Variants in JPH3 observed in about 807,000 individuals in gnomAD.
JPH3 encodes junctophilin-3.
A neutral mutation model predicts 59.6 loss-of-function variants in JPH3; 11 were observed. That is an observed-to-expected ratio of 0.18 (90% confidence interval 0.12 to 0.31). The LOEUF (loss-of-function observed/expected upper bound fraction) is 0.31, where lower values mean the gene tolerates loss of function less well. Ranked by LOEUF, JPH3 falls within the 10% of genes least tolerant of loss-of-function variation. JPH3 has a pLI of 1.00. For synonymous variants in JPH3, 673 were observed against 483.6 expected, an observed-to-expected ratio of 1.39 and a Z score of -5.14; for missense variants, 1,202 against 1,105.7, an observed-to-expected ratio of 1.09 and a Z score of -1.24.
intron 1 of JPH3, among the ~76,000 whole-genome samples, chr16:87,622,350 G>T (rs192269356): frequency 6.6e-6 from 1 of 152,226 alleles, no homozygotes; most frequent in Non-Finnish European, 1.5e-5. Context: ...CCAAGCCTCC[G>T]TGAGCAAGGA....
At chr16:87,627,822 C>T (rs921747433) in intron 1 of JPH3, among the ~76,000 whole-genome samples, 1 of 152,220 alleles carries the variant, frequency 6.6e-6, no homozygotes, top group African/African-American at 2.4e-5. Flanking sequence ...TGGAGAGGGG[C>T]CAGTCCTGCC....
chr16:87,657,399 G>T (rs72810170), intron 2 of JPH3, among the ~76,000 whole-genome samples: 11,044 of 152,174 alleles, frequency 0.073, 534 homozygotes, highest in Non-Finnish European at 0.11. Flanking sequence ...GCTGGGGTGG[G>T]AACAACGGGG....
At chr16:87,619,676 C>T (rs545341220) in intron 1 of JPH3, among the ~76,000 whole-genome samples, 156 of 152,292 alleles carry the variant, frequency 1.0e-3, no homozygotes, top group Middle Eastern at 6.8e-3. Context: ...GGAGGAGCCA[C>T]GGAGTCTGGG....
chr16:87,679,081 G>A (rs1325808096), intron 2 of JPH3, among the ~76,000 whole-genome samples: 8 of 152,162 alleles, frequency 5.3e-5, no homozygotes, highest in Admixed American at 6.5e-5. Context: ...AGCCCCAGGC[G>A]CAGACCTGGG....
intron 1 of JPH3, among the ~76,000 whole-genome samples, chr16:87,617,717 G>T (rs1489505376): frequency 1.3e-5 from 2 of 152,166 alleles, no homozygotes; most frequent in African/African-American, 4.8e-5. Flanking sequence ...TTTGGAGAAG[G>T]AGCAGGTGCA....
intron 2 of JPH3, among the ~76,000 whole-genome samples, chr16:87,650,916 T>G (rs990545181): frequency 4.6e-5 from 7 of 152,246 alleles, no homozygotes; most frequent in African/African-American, 1.7e-4. Context: ...GTGGCTACAC[T>G]AAACAGATTT....
At chr16:87,683,572 G>A (rs1472695876) in intron 2 of JPH3, among the ~76,000 whole-genome samples, 1 of 151,902 alleles carries the variant, frequency 6.6e-6, no homozygotes, top group African/African-American at 2.4e-5. Context: ...CCAAAGTGCT[G>A]GGATTACAGG....
At chr16:87,606,558 C>T (rs2030529077) in intron 1 of JPH3, among the ~76,000 whole-genome samples, 1 of 152,178 alleles carries the variant, frequency 6.6e-6, no homozygotes, top group South Asian at 2.1e-4. Context: ...AATCCCTGCC[C>T]TACATGCCCT....
chr16:87,626,458 A>C (rs2031379074), intron 1 of JPH3, among the ~76,000 whole-genome samples: 1 of 152,202 alleles, frequency 6.6e-6, no homozygotes, highest in Non-Finnish European at 1.5e-5. Context: ...CAGGAGACCG[A>C]GGCCTGTGAG....
At chr16:87,681,919 C>G (rs8044767) in intron 2 of JPH3, among the ~76,000 whole-genome samples, 8 of 152,028 alleles carry the variant, frequency 5.3e-5, no homozygotes, top group African/African-American at 1.9e-4. Context: ...GTTCAGGCCG[C>G]GCATCTTTAG....
At chr16:87,688,777 C>A (rs569206741) in intron 3 of JPH3, among the ~76,000 whole-genome samples, 1 of 152,264 alleles carries the variant, frequency 6.6e-6, no homozygotes, top group East Asian at 1.9e-4. Context: ...AACTGTTCCC[C>A]GGAGGGTAAG....
chr16:87,658,368 C>T (rs543824317), intron 2 of JPH3, among the ~76,000 whole-genome samples: 3 of 150,872 alleles, frequency 2.0e-5, no homozygotes, highest in South Asian at 2.1e-4. Context: ...CCCCGCTTCT[C>T]CCCCTCTCTT....
intron 2 of JPH3, among the ~76,000 whole-genome samples, chr16:87,662,532 G>C (rs2032738725): frequency 6.6e-6 from 1 of 152,162 alleles, no homozygotes; most frequent in Middle Eastern, 3.4e-3. Flanking sequence ...TGTTCGTTTT[G>C]GGGTCAAGGG....
chr16:87,622,954 A>G (rs1199960149), intron 1 of JPH3, among the ~76,000 whole-genome samples: 1 of 152,060 alleles, frequency 6.6e-6, no homozygotes, highest in East Asian at 1.9e-4. Flanking sequence ...CTTCTCTGCG[A>G]TGGCCGCTAC....
chr16:87,690,738 G>A (rs9924287), intron 4 of JPH3, among the ~76,000 whole-genome samples: 19,176 of 152,182 alleles, frequency 0.13, 1,339 homozygotes, highest in Middle Eastern at 0.2. Context: ...ACCTCTTTCC[G>A]TGAGAGGCTG....
intron 2 of JPH3, among the ~76,000 whole-genome samples, chr16:87,658,438 A>C: frequency 7.3e-6 from 1 of 136,372 alleles, no homozygotes; most frequent in Admixed American, 8.1e-5. Context: ...CTATCTCCCT[A>C]TCTGCTTTGC....
At position 87,690,169 on chromosome 16, in the gene JPH3, G is replaced by C. The variant is rs1333318929; in HGVS notation, c.1809G>C (p.Leu603=). 1 of 1,599,312 alleles carries C rather than the reference G, an allele frequency of 6.3e-7. No homozygotes were observed. The highest frequency in any genetic ancestry group is 1.1e-5 in the South Asian group (1 of 88,798). Residue 603 remains leucine (L), a synonymous_variant, in exon 4 of 5, where the codon CTG becomes CTC. Coordinates refer to ENST00000284262, the MANE Select transcript of JPH3 (RefSeq NM_020655.4). The part of the protein sequence containing the change: ...HSPGGSRLLE[L]QEEKLSNYRM... ...CCGGAGGCTCCAGGCTGCTGGAGCT[G>C]CAGGAGGAGAAGCTGAGCAACTACC...
chr16:87,602,231 C>G (rs1176364553), upstream of JPH3: 1 of 151,100 alleles, frequency 6.6e-6, no homozygotes, highest in African/African-American at 2.4e-5. Flanking sequence ...CTTTAAATCC[C>G]ACTCCCGGAG....
intron 2 of JPH3, among the ~76,000 whole-genome samples, chr16:87,660,766 G>C (rs1050630892): frequency 2.0e-5 from 3 of 152,140 alleles, no homozygotes; most frequent in Non-Finnish European, 4.4e-5. Flanking sequence ...CTGTAGGAGG[G>C]GGCACCTCCT....
Sources: gnomAD v4.1 joint callset for allele counts (sites outside exome capture counted in the v4.1 genomes callset) on GRCh38, gnomAD v4.1.1 for gene constraint, MANE v1.5 for transcripts, NCBI Gene and HGNC (gene_info 2026-07-23, HGNC 2026-07-21) for gene names.